Variants in HPCAL1 observed in about 807,000 individuals in gnomAD.
HPCAL1 encodes the protein hippocalcin like 1.
HPCAL1 carries 8 observed loss-of-function variants against 17.1 expected under a neutral mutation model. The ratio of observed to expected loss-of-function variants is 0.47; its 90% CI spans 0.27 to 0.84. HPCAL1 has a LOEUF of 0.84. HPCAL1 is among the 40% of genes least tolerant of loss of function. The pLI, the probability that HPCAL1 is intolerant of heterozygous loss-of-function variation, is 0.13. For missense variants in HPCAL1, 165 were observed against 271.1 expected (o/e 0.61, Z 2.75); for synonymous variants, 112 against 111.4 (o/e 1.01, Z -0.03).
intron 1 of HPCAL1, among the ~76,000 whole-genome samples, chr2:10,313,915 G>T (rs977442271): frequency 6.6e-6 from 1 of 151,932 alleles, no homozygotes; most frequent in Non-Finnish European, 1.5e-5. Flanking sequence ...GGCAAATTAC[G>T]AAGTCAGGAG....
intron 1 of HPCAL1, among the ~76,000 whole-genome samples, chr2:10,336,645 C>T (rs942687644): frequency 1.3e-5 from 2 of 152,188 alleles, no homozygotes; most frequent in Non-Finnish European, 2.9e-5. Flanking sequence ...TGCTCTATGA[C>T]GTTGTCCCTC....
At chr2:10,358,964 A>C (rs1666356794) in intron 1 of HPCAL1, among the ~76,000 whole-genome samples, 2 of 152,064 alleles carry the variant, frequency 1.3e-5, no homozygotes, top group Admixed American at 1.3e-4. Flanking sequence ...CTTCAGCTGT[A>C]AACATTCACT....
At chr2:10,334,707 G>C (rs542092038) in intron 1 of HPCAL1, among the ~76,000 whole-genome samples, 7 of 99,470 alleles carry the variant, frequency 7.0e-5, no homozygotes, top group Admixed American at 2.5e-4. Context: ...TTTTTTTGAG[G>C]CAGGGTCTCG....
intron 1 of HPCAL1, among the ~76,000 whole-genome samples, chr2:10,314,873 C>T (rs1663208838): frequency 6.6e-6 from 1 of 151,500 alleles, no homozygotes; most frequent in African/African-American, 2.4e-5. Flanking sequence ...AGCACATTAG[C>T]GGTAATAAGA....
intron 1 of HPCAL1, among the ~76,000 whole-genome samples, chr2:10,383,680 A>T (rs1424024541): frequency 9.2e-6 from 1 of 108,432 alleles, no homozygotes; most frequent in Non-Finnish European, 1.8e-5. Context: ...CTTTCTCAAA[A>T]AAAAAAGAAA....
At chr2:10,308,447 C>G (rs982899474) in intron 1 of HPCAL1, among the ~76,000 whole-genome samples, 10 of 152,172 alleles carry the variant, frequency 6.6e-5, no homozygotes, top group African/African-American at 2.4e-4. Flanking sequence ...CGCCAGTCCC[C>G]CACAGATTTG....
intron 1 of HPCAL1, among the ~76,000 whole-genome samples, chr2:10,349,077 G>T (rs1427488127): frequency 6.6e-6 from 1 of 152,060 alleles, no homozygotes; most frequent in Non-Finnish European, 1.5e-5. Flanking sequence ...GTTTATCTTT[G>T]TGGCACAGGG....
chr2:10,328,628 C>G (rs796773982), intron 1 of HPCAL1, among the ~76,000 whole-genome samples: 24 of 152,336 alleles, frequency 1.6e-4, no homozygotes, highest in African/African-American at 5.5e-4. Context: ...TCTCAGGCCT[C>G]TGGGCTTGAG....
intron 1 of HPCAL1, among the ~76,000 whole-genome samples, chr2:10,307,384 G>A (rs202002306): frequency 6.6e-6 from 1 of 152,200 alleles, no homozygotes; most frequent in Non-Finnish European, 1.5e-5. Context: ...TTAAGTGCAT[G>A]TCTAGAGGAC....
At chr2:10,345,192 T>G (rs1558473920) in intron 1 of HPCAL1, among the ~76,000 whole-genome samples, 1 of 152,168 alleles carries the variant, frequency 6.6e-6, no homozygotes, top group Non-Finnish European at 1.5e-5. Context: ...TGTGCCTGCC[T>G]GTCTGTCTGT....
At position 10,365,753 on chromosome 2, in the gene HPCAL1, G is replaced by T. The variant is rs1482980094; in HGVS notation, c.-110-31082G>T. 6.6e-6 allele frequency among the ~76,000 whole-genome samples: 1 copy of T among 152,296 alleles called. No individual in the cohort carries two copies. The highest frequency in any genetic ancestry group is 1.9e-4 in the East Asian group (1 of 5,178). On this transcript the variant is annotated intron_variant, in intron 1 of 4. Transcript: ENST00000307845. The surrounding 1 kb of genome is among the most constrained non-coding windows in gnomAD (Gnocchi z 4.8). The stretch of plus-strand genomic sequence containing the variant: ...TTTCTGTGTTCACTTCAGGGATGAG[G>T]CTTGGAGAAGAGGGTGTGTGAGGGG...
intron 4 of HPCAL1, 173 bp downstream of exon 4, chr2:10,423,261 C>G (rs949705577): frequency 4.9e-5 from 31 of 628,762 alleles, no homozygotes; most frequent in Admixed American, 1.5e-4. Context: ...GTCAGGGACA[C>G]CCGTGCTGTA....
At chr2:10,327,190 G>A (rs1664070310) in intron 1 of HPCAL1, among the ~76,000 whole-genome samples, 1 of 152,168 alleles carries the variant, frequency 6.6e-6, no homozygotes, top group Admixed American at 6.5e-5. Context: ...CAACTCCTGG[G>A]ATTTGCAGCC....
intron 1 of HPCAL1, among the ~76,000 whole-genome samples, chr2:10,307,487 C>T (rs977368309): frequency 6.6e-6 from 1 of 152,156 alleles, no homozygotes; most frequent in African/African-American, 2.4e-5. Flanking sequence ...CTGAGCTGTC[C>T]CCCTGAGCTG....
Position 10,331,014 on chromosome 2 carries a change from C to G in HPCAL1, c.-111+27837C>G, listed in dbSNP as rs1664336050. On this transcript the variant is annotated intron_variant, in intron 1 of 4. Transcript: ENST00000307845. The surrounding 1 kb of genome is among the most constrained non-coding windows in gnomAD (Gnocchi z 5.0). ...TTGCAGCCCCGGCCTCTCCAGTTCT[C>G]TGTGTCTTGCCATCTTGGCTTCTTC... is the stretch of plus-strand genomic sequence containing the variant. Among the ~76,000 whole-genome samples the G allele has an allele frequency of 6.6e-6, 1 of 152,174 alleles. No individual in the cohort carries two copies. Among genetic ancestry groups the G allele is most frequent in the East Asian group, 1.9e-4 (1 of 5,180 alleles).
intron 2 of HPCAL1, among the ~76,000 whole-genome samples, chr2:10,400,674 C>T (rs968175836): frequency 1.3e-5 from 2 of 152,186 alleles, no homozygotes; most frequent in Non-Finnish European, 1.5e-5. Context: ...TTCCTGTGGT[C>T]GTCCCCTCCA....
chr2:10,374,353 A>T (rs1338786900), intron 1 of HPCAL1, among the ~76,000 whole-genome samples: 1 of 152,062 alleles, frequency 6.6e-6, no homozygotes, highest in Non-Finnish European at 1.5e-5. Flanking sequence ...ACAGTCACAC[A>T]CAGTGGTGTG....
chr2:10,396,423 G>T (rs770260776), intron 1 of HPCAL1, among the ~76,000 whole-genome samples: 5 of 152,248 alleles, frequency 3.3e-5, no homozygotes, highest in Non-Finnish European at 7.3e-5. Context: ...TGGGTGCAGA[G>T]TGTAGAGTGC....
intron 4 of HPCAL1, chr2:10,426,259 A>T: frequency 6.3e-6 from 1 of 158,852 alleles, no homozygotes; most frequent in South Asian, 1.8e-4. Context: ...AGTACAGAGC[A>T]TGAGTTTGGT....
Sources: allele counts gnomAD v4.1 joint callset (sites outside exome capture counted in the v4.1 genomes callset), GRCh38; gene constraint gnomAD v4.1.1; non-coding constraint Gnocchi (gnomAD v3.1); transcripts MANE v1.5; gene names NCBI Gene and HGNC (gene_info 2026-07-23, HGNC 2026-07-21).